Variants in MPPED2 observed in about 807,000 individuals in gnomAD.
MPPED2 encodes metallophosphoesterase domain containing 2.
In MPPED2, 5 loss-of-function variants were observed where a neutral mutation model predicts 33.0. That is an observed-to-expected ratio of 0.15 (90% CI 0.08 to 0.32). MPPED2 has a LOEUF of 0.32. Among genes scored for constraint, MPPED2 ranks in the 10% least tolerant of loss-of-function variants. The pLI is 1.00. For missense variants in MPPED2, 275 were observed against 372.1 expected, an observed-to-expected ratio of 0.74 and a Z score of 2.15; for synonymous variants, 136 against 141.9, an observed-to-expected ratio of 0.96 and a Z score of 0.29.
At chr11:30,414,436 T>G in intron 5 of MPPED2, 95 bp from the exon 6 acceptor site, 1 of 797,052 alleles carries the variant, frequency 1.3e-6, no homozygotes, top group South Asian at 1.4e-5. Flanking sequence ...GAAGGTTTAT[T>G]ACATTATCTG....
chr11:30,444,781 A>G (rs932428511), intron 4 of MPPED2, among the ~76,000 whole-genome samples: 1 of 152,204 alleles, frequency 6.6e-6, no homozygotes, highest in African/African-American at 2.4e-5. Flanking sequence ...GCAGTAAAAC[A>G]TTAAACAATT....
intron 3 of MPPED2, among the ~76,000 whole-genome samples, chr11:30,531,587 C>G: frequency 6.6e-6 from 1 of 152,208 alleles, no homozygotes; most frequent in East Asian, 1.9e-4. Context: ...CCATCAGTAG[C>G]TACTCATTTC....
At chr11:30,449,981 C>T (rs1344718832) in intron 4 of MPPED2, among the ~76,000 whole-genome samples, 1 of 152,162 alleles carries the variant, frequency 6.6e-6, no homozygotes, top group Non-Finnish European at 1.5e-5. Context: ...GGTATAAGCC[C>T]CCCAAAACCA....
At chr11:30,568,246 T>A (rs1956533718) in intron 2 of MPPED2, among the ~76,000 whole-genome samples, 1 of 151,722 alleles carries the variant, frequency 6.6e-6, no homozygotes, top group Non-Finnish European at 1.5e-5. Context: ...CTGGGTATAC[T>A]TTTTTTTTCT....
At chr11:30,541,817 C>T (rs1955137358) in intron 2 of MPPED2, among the ~76,000 whole-genome samples, 1 of 152,176 alleles carries the variant, frequency 6.6e-6, no homozygotes, top group African/African-American at 2.4e-5. Context: ...GTCTCAAACT[C>T]CTGACCTCAA....
At chr11:30,556,586 T>C (rs990712928) in intron 2 of MPPED2, among the ~76,000 whole-genome samples, 1 of 152,222 alleles carries the variant, frequency 6.6e-6, no homozygotes, top group Non-Finnish European at 1.5e-5. Context: ...GCATGGCCTA[T>C]AGATTCAGGC....
intron 6 of MPPED2, among the ~76,000 whole-genome samples, chr11:30,393,381 A>T (rs1368701838): frequency 1.3e-5 from 2 of 151,998 alleles, no homozygotes; most frequent in Non-Finnish European, 2.9e-5. Context: ...CATGCCTCCA[A>T]CTCAAAGGAT....
In MPPED2 at chr11:30,563,383, C is replaced by G. The variant is rs147714627; in HGVS notation, c.128+16863G>C. Reference sequence around the variant, plus strand: ...CACAGTTTACAATAGGGTTTGGGCTCCTATCAGAATCTAATGTCGCAGCTG... The same window carrying G: ...CACAGTTTACAATAGGGTTTGGGCTGCTATCAGAATCTAATGTCGCAGCTG... On this transcript the variant is annotated intron_variant, in intron 2 of 6. Transcript: ENST00000358117. Among the ~76,000 whole-genome samples, 264 of 152,214 alleles carry G rather than the reference C, an allele frequency of 1.7e-3. 1 individual carries two copies. Among genetic ancestry groups the G allele is most frequent in the Non-Finnish European group, 2.9e-3 (197 of 68,016 alleles).
chr11:30,560,311 T>A (rs534604801), intron 2 of MPPED2, among the ~76,000 whole-genome samples: 4,102 of 149,398 alleles, frequency 0.027, 114 homozygotes, highest in African/African-American at 0.064. Context: ...AGTTTTTTTT[T>A]TAAAAAAAAA....
At chr11:30,556,813 G>A (rs1254555291) in intron 2 of MPPED2, among the ~76,000 whole-genome samples, 1 of 152,068 alleles carries the variant, frequency 6.6e-6, no homozygotes, top group African/African-American at 2.4e-5. Flanking sequence ...TATCATTTCT[G>A]TAGATTTTGC....
chr11:30,495,860 G>A (rs1952227193), intron 3 of MPPED2, among the ~76,000 whole-genome samples: 1 of 151,956 alleles, frequency 6.6e-6, no homozygotes, highest in Admixed American at 6.6e-5. Context: ...CTTTAATCAC[G>A]ATCCTTAAGA....
chr11:30,574,039 TCTTA>T (rs1055551045), intron 2 of MPPED2, among the ~76,000 whole-genome samples: 128 of 152,292 alleles, frequency 8.4e-4, no homozygotes, highest in Admixed American at 1.3e-3. Flanking sequence ...GTAAGCTGTT[TCTTA>T]CTTTATTGTT....
chr11:30,406,050 A>C (rs1480245021), downstream of MPPED2, among the ~76,000 whole-genome samples: 1 of 152,146 alleles, frequency 6.6e-6, no homozygotes, highest in African/African-American at 2.4e-5. Flanking sequence ...TCATGTTCTG[A>C]GGTAGAAAAG....
chr11:30,498,212 C>T lies in MPPED2; in HGVS notation c.311-2691G>A, dbSNP rs371621526. Among the ~76,000 whole-genome samples, 23 of 151,928 alleles carry T rather than the reference C, an allele frequency of 1.5e-4. 1 individual carries two copies. The East Asian group carries it at 1.7e-3, about 11-fold the overall frequency. ...TTTTATTCAGATCATGCCAGCTAAGCTGACCTGCTTGTATAAAAAAAACCA... is the reference window on the plus strand; with the variant it reads ...TTTTATTCAGATCATGCCAGCTAAGTTGACCTGCTTGTATAAAAAAAACCA... On this transcript the variant is annotated intron_variant, in intron 3 of 6. Transcript: ENST00000358117.
At chr11:30,435,814 C>T (rs1949298609) in intron 4 of MPPED2, among the ~76,000 whole-genome samples, 1 of 152,112 alleles carries the variant, frequency 6.6e-6, no homozygotes, top group Non-Finnish European at 1.5e-5. Context: ...CAGTAAGTGG[C>T]AGAGCTGGGA....
At chr11:30,486,233 T>G (rs967741731) in intron 4 of MPPED2, among the ~76,000 whole-genome samples, 11 of 152,176 alleles carry the variant, frequency 7.2e-5, no homozygotes, top group Admixed American at 7.2e-4. Context: ...AAATACAGGT[T>G]AAGACTGTCA....
At chr11:30,414,670 C>A (rs1948263009) in intron 5 of MPPED2, among the ~76,000 whole-genome samples, 1 of 151,974 alleles carries the variant, frequency 6.6e-6, no homozygotes, top group African/African-American at 2.4e-5. Context: ...CATAATATCT[C>A]TTTCTCCCTC....
intron 4 of MPPED2, 21 bp from the exon 5 acceptor site, chr11:30,417,654 A>C: frequency 7.0e-7 from 1 of 1,435,718 alleles, no homozygotes; most frequent in Non-Finnish European, 9.8e-7. Context: ...GATAATGCAC[A>C]TGGTATCAGG....
chr11:30,533,061 T>C (rs1954614725), intron 3 of MPPED2, among the ~76,000 whole-genome samples: 3 of 152,184 alleles, frequency 2.0e-5, no homozygotes, highest in Non-Finnish European at 4.4e-5. Flanking sequence ...CACTTTCTAG[T>C]ACAAGCTTCA....
Sources: gnomAD v4.1 joint callset for allele counts (sites outside exome capture counted in the v4.1 genomes callset) on GRCh38, gnomAD v4.1.1 for gene constraint, MANE v1.5 for transcripts, NCBI Gene and HGNC (gene_info 2026-07-23, HGNC 2026-07-21) for gene names.